NWD1: variants seen among roughly 807,000 people sequenced by gnomAD.
NWD1 encodes NACHT domain- and WD repeat-containing protein 1.
A neutral mutation model predicts 135.1 loss-of-function variants in NWD1; 129 were observed. The observed-to-expected ratio is 0.96, with a 90% confidence interval of 0.83 to 1.11. NWD1 has a LOEUF of 1.11. Ranked by LOEUF, NWD1 falls within the 50% of genes least tolerant of loss-of-function variation. The pLI is 0.00. For missense variants in NWD1, 1,740 were observed against 1,851.3 expected (o/e 0.94, Z 1.10); for synonymous variants, 773 against 786.0 (o/e 0.98, Z 0.28).
chr19:16,726,414 G>A (rs936805466), intron 2 of NWD1, among the ~76,000 whole-genome samples: 1 of 151,940 alleles, frequency 6.6e-6, no homozygotes, highest in African/African-American at 2.4e-5. Context: ...TCAGCTACTA[G>A]AATTGATTTT....
chr19:16,814,935 G>A (rs1465993144), intron 18 of NWD1, 93 bp from the exon 19 acceptor site: 3 of 1,131,772 alleles, frequency 2.7e-6, no homozygotes, highest in African/African-American at 3.1e-5. Flanking sequence ...GGCATAGCAG[G>A]AATTTTATTC....
intron 18 of NWD1, among the ~76,000 whole-genome samples, chr19:16,811,122 C>G (rs1026847237): frequency 6.6e-6 from 1 of 152,184 alleles, no homozygotes; most frequent in Non-Finnish European, 1.5e-5. Flanking sequence ...TCACATCCAG[C>G]CTTTATTGGA....
At chr19:16,794,783 T>G (rs1278545130) in intron 15 of NWD1, among the ~76,000 whole-genome samples, 1 of 152,142 alleles carries the variant, frequency 6.6e-6, no homozygotes, top group Non-Finnish European at 1.5e-5. Context: ...ATTTTTCTAT[T>G]ATTTTTCTTT....
intron 12 of NWD1, among the ~76,000 whole-genome samples, chr19:16,781,824 G>A (rs976150436): frequency 6.6e-6 from 1 of 152,050 alleles, no homozygotes; most frequent in East Asian, 1.9e-4. Flanking sequence ...CAGGTGCAGT[G>A]GCTCACGCTT....
At chr19:16,794,931 A>G (rs571318720) in intron 15 of NWD1, among the ~76,000 whole-genome samples, 1 of 152,134 alleles carries the variant, frequency 6.6e-6, no homozygotes, top group East Asian at 1.9e-4. Flanking sequence ...ACAGGCACAC[A>G]CCACCACACC....
At chr19:16,746,403 G>A (rs990409516) in intron 5 of NWD1, among the ~76,000 whole-genome samples, 2 of 151,960 alleles carry the variant, frequency 1.3e-5, no homozygotes, top group Non-Finnish European at 2.9e-5. Context: ...GGCCGGGTGC[G>A]GTGGCTCATG....
At chr19:16,748,604 G>A (rs970464260) in intron 5 of NWD1, among the ~76,000 whole-genome samples, 7 of 151,954 alleles carry the variant, frequency 4.6e-5, no homozygotes, top group Non-Finnish European at 1.0e-4. Flanking sequence ...AGGTTGAATT[G>A]CTTGAGCTCA....
rs142432549 is a variant in NWD1, at chr19:16,765,165, C to T, written c.2383C>T (p.Arg795Cys). The T allele has an allele frequency of 5.0e-5, 81 of 1,614,088 alleles. 1 individual carries two copies. The Middle Eastern group carries it at 9.9e-4, about 20-fold the overall frequency. ...GLVREALQLCRPAVELRGMER... is the reference protein window; with the variant it reads ...GLVREALQLCCPAVELRGMER... ...GGTCCGTGAAGCCCTCCAGCTCTGC[C>T]GCCCTGCTGTGGAGCTCCGAGGCAT... The change falls in exon 10 of 19, where the codon CGC (arginine) becomes TGC (cysteine). Residue 795 changes from arginine (R) to cysteine (C), a missense_variant. Transcript: ENST00000524140.
chr19:16,809,099 T>G (rs1358588488), intron 18 of NWD1, among the ~76,000 whole-genome samples: 2 of 152,054 alleles, frequency 1.3e-5, no homozygotes, highest in Non-Finnish European at 2.9e-5. Context: ...TAAATAATTT[T>G]TTTTTTTTGA....
chr19:16,782,908 CCTTCTTTCCTTCCTTTCCTTCCTT>C (rs1969905632), intron 12 of NWD1, among the ~76,000 whole-genome samples: 1 of 111,268 alleles, frequency 9.0e-6, no homozygotes, highest in Non-Finnish European at 1.6e-5. Context: ...ATCCTTCCTT[CCTTCTTTCCTTCCTTTCCTTCCTT>C]CCTTCCCTTC....
At chr19:16,759,068 C>G (rs577395811) in intron 6 of NWD1, among the ~76,000 whole-genome samples, 157 bp from the exon 7 acceptor site, 1 of 151,288 alleles carries the variant, frequency 6.6e-6, no homozygotes, top group Non-Finnish European at 1.5e-5. Flanking sequence ...TTGCCCTAAC[C>G]GTGCTTGGTA....
At position 16,791,437 on chromosome 19, in the gene NWD1, G is replaced by A. The variant is rs756087708; in HGVS notation, c.3028G>A (p.Ala1010Thr). 4 of 1,614,018 alleles carry A rather than the reference G, an allele frequency of 2.5e-6. No individual in the cohort carries two copies. The African/African-American group carries it at 5.3e-5, about 22-fold the overall frequency. Residue 1010 changes from alanine (A) to threonine (T), a missense_variant, in exon 14 of 19, where the codon GCC becomes ACC. Transcript: ENST00000524140. ...SDPWMCMAVL[A>T]SQATLLTVSR... Reference sequence around the variant, plus strand: ...TCCTTGGATGTGCATGGCCGTGCTGGCCTCCCAGGCCACACTGCTGACAGT... The same window carrying A: ...TCCTTGGATGTGCATGGCCGTGCTGACCTCCCAGGCCACACTGCTGACAGT...
intron 12 of NWD1, among the ~76,000 whole-genome samples, chr19:16,783,507 A>G (rs1217792051): frequency 6.6e-6 from 1 of 151,808 alleles, no homozygotes; most frequent in African/African-American, 2.4e-5. Context: ...GGTGATATAT[A>G]CCTGTAATCC....
At chr19:16,788,564 CAAA>C (rs1164007408) in intron 12 of NWD1, among the ~76,000 whole-genome samples, 4 of 71,706 alleles carry the variant, frequency 5.6e-5, no homozygotes, top group African/African-American at 4.0e-5. Flanking sequence ...GAGAGTCCGT[CAAA>C]AAAAAAAAAA....
chr19:16,726,190 G>C (rs1227121167), intron 2 of NWD1, among the ~76,000 whole-genome samples: 1 of 152,036 alleles, frequency 6.6e-6, no homozygotes, highest in Non-Finnish European at 1.5e-5. Flanking sequence ...TCGAACTCTT[G>C]ACCTCAGGTG....
intron 8 of NWD1, 121 bp downstream of exon 8, chr19:16,762,259 C>A: frequency 2.5e-6 from 2 of 798,634 alleles, no homozygotes; most frequent in Non-Finnish European, 4.0e-6. Context: ...CCTTTCCGCA[C>A]AGAGGGCAAG....
chr19:16,806,203 C>G (rs189941139), intron 17 of NWD1, among the ~76,000 whole-genome samples: 62 of 152,212 alleles, frequency 4.1e-4, no homozygotes, highest in African/African-American at 1.5e-3. Flanking sequence ...CTCTATCCTC[C>G]CAGCAGGACT....
intron 12 of NWD1, among the ~76,000 whole-genome samples, chr19:16,785,282 C>T (rs1471103344): frequency 2.0e-5 from 3 of 151,982 alleles, no homozygotes; most frequent in Admixed American, 1.3e-4. Context: ...GAGGTTGAGG[C>T]GGGCACATCA....
At chr19:16,783,022 T>C (rs753570240) in intron 12 of NWD1, among the ~76,000 whole-genome samples, 66 of 146,310 alleles carry the variant, frequency 4.5e-4, no homozygotes, top group Non-Finnish European at 7.1e-4. Flanking sequence ...CTTTCCTTCT[T>C]TCTTTCTTTT....
Sources: allele counts gnomAD v4.1 joint callset (sites outside exome capture counted in the v4.1 genomes callset), GRCh38; gene constraint gnomAD v4.1.1; transcripts MANE v1.5; gene names NCBI Gene and HGNC (gene_info 2026-07-23, HGNC 2026-07-21).